Variants in ADGRD2 observed in about 807,000 individuals in gnomAD.
ADGRD2 encodes the protein adhesion G protein-coupled receptor D2, also known as G protein-coupled receptor PGR24.
In ADGRD2, 71 loss-of-function variants were observed where a neutral mutation model predicts 44.4. The observed-to-expected ratio is 1.60, with a 90% CI of 1.32 to 1.95. ADGRD2 has a LOEUF of 1.95. Among genes scored for constraint, ADGRD2 ranks in the 30% most tolerant of loss-of-function variants. ADGRD2 has a pLI of 0.00. For synonymous variants in ADGRD2, 481 were observed against 224.8 expected, an observed-to-expected ratio of 2.14 and a Z score of -10.19; for missense variants, 1,039 against 512.4, an observed-to-expected ratio of 2.03 and a Z score of -9.92.
chr9:124,477,200 G>C (rs564574449), intron 21 of ADGRD2: 4 of 388,072 alleles, frequency 1.0e-5, no homozygotes, highest in Non-Finnish European at 2.1e-5. Context: ...CATGACGGGG[G>C]CTGAGCAGTG....
intron 16 of ADGRD2, among the ~76,000 whole-genome samples, chr9:124,470,055 G>T (rs1831918163): frequency 6.6e-6 from 1 of 152,262 alleles, no homozygotes; most frequent in African/African-American, 2.4e-5. Context: ...CTCCTTGCTG[G>T]CTTTCCCCTT....
At chr9:124,468,032 G>A (rs576388540) in intron 12 of ADGRD2, 56 bp from the exon 16 acceptor site, 16 of 718,050 alleles carry the variant, frequency 2.2e-5, no homozygotes, top group Middle Eastern at 2.3e-4. Flanking sequence ...AGGGCCCTAC[G>A]GGGTGTGGGG....
rs746881494 is a variant in ADGRD2 at position 124,458,193 on chromosome 9, C to T, written c.1723C>T (p.Pro575Ser). ...CACCCTAGAGGGACCGGACCTAGAG[C>T]CCCAGGCCCCTGCCAGCTCAGAGGA... Residue 575 changes from proline (P) to serine (S), a missense_variant, in exon 9 of 22, where the codon CCC (proline) becomes TCC (serine). Transcript: ENST00000334810. 14 of 718,408 alleles carry T rather than the reference C, an allele frequency of 1.9e-5. 1 individual carries two copies. The African/African-American group carries it at 2.1e-4, about 11-fold the overall frequency. 44.5% of individuals were successfully genotyped at this position (718,408 alleles called of 1,614,324 possible).
At chr9:124,473,260 A>T (rs1831986191) in intron 17 of ADGRD2, among the ~76,000 whole-genome samples, 1 of 152,158 alleles carries the variant, frequency 6.6e-6, no homozygotes, top group Non-Finnish European at 1.5e-5. Flanking sequence ...GCCCAACCTC[A>T]TTCACTCTCT....
intron 17 of ADGRD2, among the ~76,000 whole-genome samples, chr9:124,472,753 C>A (rs1478201470): frequency 6.6e-6 from 1 of 152,238 alleles, no homozygotes; most frequent in Non-Finnish European, 1.5e-5. Context: ...AGTGATCCTC[C>A]CGCCTCGGCC....
intron 10 of ADGRD2, among the ~76,000 whole-genome samples, chr9:124,460,283 A>C (rs1389429434): frequency 1.4e-5 from 2 of 147,414 alleles, no homozygotes. Flanking sequence ...GCTCACTGCA[A>C]CCTCCGCCCC....
intron 9 of ADGRD2, 102 bp downstream of exon 12, chr9:124,458,338 G>A (rs1343119011): frequency 3.1e-6 from 2 of 655,462 alleles, no homozygotes; most frequent in Non-Finnish European, 5.6e-6. Flanking sequence ...AGCAGCCCAG[G>A]GCCCACCCTT....
At chr9:124,470,047 C>T (rs999716366) in intron 16 of ADGRD2, among the ~76,000 whole-genome samples, 2 of 152,156 alleles carry the variant, frequency 1.3e-5, no homozygotes, top group Non-Finnish European at 2.9e-5. Context: ...AGCCCTGCCT[C>T]CTTGCTGGCT....
intron 17 of ADGRD2, among the ~76,000 whole-genome samples, chr9:124,471,006 C>T (rs997363957): frequency 3.9e-5 from 6 of 152,322 alleles, no homozygotes; most frequent in Admixed American, 1.3e-4. Flanking sequence ...TTGGGGTCTG[C>T]GGCCTGCTGG....
upstream of ADGRD2, chr9:124,452,051 GAGGGTTGTCCCA>G: frequency 2.8e-6 from 2 of 703,520 alleles, no homozygotes; most frequent in Non-Finnish European, 5.3e-6. Context: ...AGTGTGAGGG[GAGGGTTGTCCCA>G]GCCCCCACCT....
intron 17 of ADGRD2, among the ~76,000 whole-genome samples, chr9:124,474,057 C>T (rs912374848): frequency 3.9e-5 from 6 of 152,014 alleles, no homozygotes; most frequent in African/African-American, 1.2e-4. Context: ...GGGTGGATTA[C>T]CTAAGGTCAG....
intron 21 of ADGRD2, chr9:124,476,950 T>A (rs1443935718): frequency 5.7e-6 from 4 of 697,440 alleles, no homozygotes; most frequent in Admixed American, 4.1e-5. Context: ...GAGCGGGCGC[T>A]GCCAAGAGCA....
chr9:124,477,053 C>G, intron 21 of ADGRD2: 1 of 565,720 alleles, frequency 1.8e-6, no homozygotes, highest in Non-Finnish European at 3.5e-6. Context: ...CCTCTTTCTG[C>G]CCCCTAAGCC....
intron 9 of ADGRD2, 68 bp downstream of exon 12, chr9:124,458,304 G>T: frequency 1.4e-6 from 1 of 704,532 alleles, no homozygotes; most frequent in Non-Finnish European, 2.6e-6. Context: ...CAAAGCCCCC[G>T]TTCTGGTGGG....
At chr9:124,460,504 C>T (rs1396168209) in intron 10 of ADGRD2, among the ~76,000 whole-genome samples, 1 of 150,890 alleles carries the variant, frequency 6.6e-6, no homozygotes, top group Non-Finnish European at 1.5e-5. Context: ...AGGTGTGAGC[C>T]ACCACACCTG....
At chr9:124,468,671 G>T in exon 14 of ADGRD2, 1 of 714,772 alleles carries the variant, frequency 1.4e-6, no homozygotes, top group East Asian at 2.7e-5. Context: ...CCACAGGCTG[G>T]GGTGAGGCCT....
chr9:124,453,419 ACCCGGTGCCGT>A lies in ADGRD2; in HGVS notation c.669_679del (p.Pro224ArgfsTer97), dbSNP rs1831542640. 1.6e-6 allele frequency: 1 copy of A among 634,762 alleles called. No individual in the cohort carries two copies. Among genetic ancestry groups the A allele is most frequent in the Non-Finnish European group, 2.8e-6 (1 of 356,366 alleles). 39.3% of individuals were successfully genotyped at this position (634,762 alleles called of 1,614,324 possible). On this transcript the variant is annotated frameshift_variant, in exon 3 of 22. Transcript: ENST00000334810. LOFTEE classifies it high-confidence loss of function. ...GGGGCGCGGGGGCTGGGCGCCGGCC[ACCCGGTGCCGT>A]CCGGCGGCATCCTGGTGCTGGGCCA...
At chr9:124,471,261 G>A (rs1831941185) in intron 17 of ADGRD2, among the ~76,000 whole-genome samples, 1 of 152,104 alleles carries the variant, frequency 6.6e-6, no homozygotes, top group Non-Finnish European at 1.5e-5. Flanking sequence ...CGACCTCCCT[G>A]GACCACCCCC....
chr9:124,453,536 G>C (rs1434595585), exon 3 of ADGRD2: 1 of 697,366 alleles, frequency 1.4e-6, no homozygotes, highest in African/African-American at 1.8e-5. Flanking sequence ...CTGTGGGCGC[G>C]GGCGCTGAGC....
Sources: gnomAD v4.1 joint callset for allele counts (sites outside exome capture counted in the v4.1 genomes callset) on GRCh38, gnomAD v4.1.1 for gene constraint, MANE v1.5 for transcripts, NCBI Gene and HGNC (gene_info 2026-07-23, HGNC 2026-07-21) for gene names.